PLAA: variants seen among roughly 807,000 people sequenced by gnomAD.
PLAA encodes the protein phospholipase A2 activating protein, also known as phospholipase A-2-activating protein.
In PLAA, 48 loss-of-function variants were observed where a neutral mutation model predicts 84.1. That is an observed-to-expected ratio of 0.57 (90% CI 0.45 to 0.73). The LOEUF is 0.73. Among genes scored for constraint, PLAA ranks in the 30% least tolerant of loss-of-function variants. PLAA has a pLI of 0.00. For synonymous variants in PLAA, 392 were observed against 336.6 expected (o/e 1.16, Z -1.80); for missense variants, 903 against 954.7 (o/e 0.95, Z 0.71).
intron 7 of PLAA, 102 bp from the exon 8 acceptor site, chr9:26,920,486 T>C: frequency 1.5e-6 from 1 of 654,404 alleles, no homozygotes. Context: ...CATAAGAGAA[T>C]ATGGATTTTG....
At chr9:26,916,706 C>G (rs1393594847) in intron 10 of PLAA, 2 of 995,894 alleles carry the variant, frequency 2.0e-6, no homozygotes, top group African/African-American at 3.5e-5. Context: ...CCCCTATTAT[C>G]TAATTTCACA....
chr9:26,926,294 T>C (rs927669790), intron 5 of PLAA, 99 bp downstream of exon 5: 2 of 752,070 alleles, frequency 2.7e-6, no homozygotes, highest in South Asian at 1.9e-5. Context: ...AAGTCATAGA[T>C]AGTAAATTAA....
Position 26,917,150 on chromosome 9 carries a change from A to G in PLAA, c.1433T>C (p.Val478Ala). ...GTTAGAAGATCCCGAAGAGCCCGGA[A>G]CATACCGACCACCACCTGTGCATGC... ...SDPFTGGGRYVPGSSGSSNTL... is the reference protein window; with the variant it reads ...SDPFTGGGRYAPGSSGSSNTL... The change falls in exon 10 of 14, where the codon GTT (valine) becomes GCT (alanine). Residue 478 changes from valine to alanine, a missense_variant. Coordinates refer to ENST00000397292, the MANE Select transcript of PLAA (RefSeq NM_001031689.3). 1 of 1,613,962 alleles carries G rather than the reference A, an allele frequency of 6.2e-7. No individual in the cohort carries two copies. The highest frequency in any genetic ancestry group is 8.5e-7 in the Non-Finnish European group (1 of 1,179,864).
chr9:26,925,341 G>A (rs1047003402), intron 6 of PLAA, among the ~76,000 whole-genome samples: 3 of 152,192 alleles, frequency 2.0e-5, no homozygotes, highest in Non-Finnish European at 4.4e-5. Flanking sequence ...GTTCTCCACA[G>A]TTAAGCCCCA....
intron 7 of PLAA, among the ~76,000 whole-genome samples, chr9:26,921,295 G>T (rs1449795298): frequency 6.6e-6 from 1 of 152,112 alleles, no homozygotes; most frequent in Non-Finnish European, 1.5e-5. Flanking sequence ...TCCATCCTCC[G>T]AAGAATCATG....
intron 11 of PLAA, among the ~76,000 whole-genome samples, chr9:26,912,439 T>C (rs774021989): frequency 1.1e-4 from 17 of 152,104 alleles, no homozygotes; most frequent in Non-Finnish European, 1.9e-4. Context: ...GGGAGGTGCA[T>C]AAACAGAGTA....
At position 26,928,494 on chromosome 9, in the gene PLAA, A is replaced by T. The variant is rs553076181; in HGVS notation, c.344-86T>A. 5.3e-6 allele frequency: 5 copies of T among 936,770 alleles called. No individual in the cohort carries two copies. The South Asian group carries it at 6.9e-5, about 13-fold the overall frequency. 58.0% of individuals were successfully genotyped at this position (936,770 alleles called of 1,614,324 possible). On this transcript the variant is annotated intron_variant, in intron 2 of 13. Transcript: ENST00000397292. ...GTTACTAAAGCATTCCAATTTTAAAAACACTCTTTGAAGTGGCAGTATCTT... is the reference window on the plus strand; with the variant it reads ...GTTACTAAAGCATTCCAATTTTAAATACACTCTTTGAAGTGGCAGTATCTT...
chr9:26,922,375 T>C (rs1410961487), intron 7 of PLAA, among the ~76,000 whole-genome samples: 2 of 152,042 alleles, frequency 1.3e-5, no homozygotes, highest in Admixed American at 6.6e-5. Flanking sequence ...TACATACTAG[T>C]GAACCAGTGG....
chr9:26,917,290 T>C (rs544963287), intron 9 of PLAA, 125 bp from the exon 10 acceptor site: 8 of 686,462 alleles, frequency 1.2e-5, no homozygotes, highest in African/African-American at 1.8e-5. Context: ...TTTCACATGA[T>C]AGAATGACAG....
intron 1 of PLAA, among the ~76,000 whole-genome samples, chr9:26,946,190 T>A (rs1825702468): frequency 6.6e-6 from 1 of 152,120 alleles, no homozygotes; most frequent in Non-Finnish European, 1.5e-5. Flanking sequence ...GTCTTCTAGG[T>A]CTTAAATATC....
chr9:26,924,892 T>C (rs1190692486), intron 6 of PLAA, among the ~76,000 whole-genome samples: 1 of 152,186 alleles, frequency 6.6e-6, no homozygotes, highest in African/African-American at 2.4e-5. Context: ...TAAGCTCCAG[T>C]TCAAATGACC....
chr9:26,934,641 G>C (rs1466137394), intron 2 of PLAA, among the ~76,000 whole-genome samples: 1 of 151,794 alleles, frequency 6.6e-6, no homozygotes, highest in Non-Finnish European at 1.5e-5. Flanking sequence ...CACCACACCT[G>C]GATAATTTTT....
At chr9:26,910,012 C>A (rs547278739) in intron 12 of PLAA, among the ~76,000 whole-genome samples, 2 of 152,306 alleles carry the variant, frequency 1.3e-5, no homozygotes, top group East Asian at 3.9e-4. Context: ...CTTAATTTTT[C>A]AAATGCTTTA....
rs1379209247 is a variant in PLAA, at chr9:26,923,296, A to T, written c.921T>A (p.Ala307=). 4 of 1,613,732 alleles carry T rather than the reference A, an allele frequency of 2.5e-6. No homozygotes were observed. The highest frequency in any genetic ancestry group is 3.4e-6 in the Non-Finnish European group (4 of 1,179,738). ...FTESEDRTAS[A]EEIKAFEKEL... ...CTTTTTCAAAAGCCTTGATTTCTTC[A>T]GCACTTGCTGTTCGATCTTCTGATT... The change falls in exon 7 of 14, where the codon GCT becomes GCA. Residue 307 remains alanine (A), a synonymous_variant. Coordinates refer to ENST00000397292, the MANE Select transcript of PLAA (RefSeq NM_001031689.3).
intron 1 of PLAA, among the ~76,000 whole-genome samples, chr9:26,939,929 CAAT>C (rs1004679643): frequency 6.6e-6 from 1 of 152,004 alleles, no homozygotes; most frequent in African/African-American, 2.4e-5. Context: ...GATAGTTCTA[CAAT>C]AATAGTTGAA....
At chr9:26,922,682 T>G (rs1226948445) in intron 7 of PLAA, among the ~76,000 whole-genome samples, 1 of 151,884 alleles carries the variant, frequency 6.6e-6, no homozygotes, top group Non-Finnish European at 1.5e-5. Flanking sequence ...TTTTTTTTTT[T>G]TTGAGACAGA....
At chr9:26,927,009 G>C (rs990606477) in intron 4 of PLAA, among the ~76,000 whole-genome samples, 6 of 151,992 alleles carry the variant, frequency 3.9e-5, no homozygotes, top group Non-Finnish European at 8.8e-5. Flanking sequence ...TGACTTAAGA[G>C]TAGCTATCAC....
In PLAA at chr9:26,934,993, C is replaced by A; in HGVS notation, c.343+20G>T. ...GATAAAACTTCAAATAGAAAAACAC[C>A]AAAGCATTATTATACTCACCAGTAT... On this transcript the variant is annotated intron_variant, in intron 2 of 13. Transcript: ENST00000397292. 3 of 1,489,534 alleles carry A rather than the reference C, an allele frequency of 2.0e-6. No homozygotes were observed. Among genetic ancestry groups the A allele is most frequent in the Admixed American group, 2.4e-5 (1 of 41,330 alleles). 92.3% of individuals were successfully genotyped at this position (1,489,534 alleles called of 1,614,324 possible). A position where few individuals can be genotyped will look rare whatever the true frequency, so the allele number is the denominator to read the frequency against.
chr9:26,942,818 G>C (rs1158886275), intron 1 of PLAA, among the ~76,000 whole-genome samples: 2 of 148,088 alleles, frequency 1.4e-5, no homozygotes, highest in Non-Finnish European at 3.0e-5. Flanking sequence ...GGCGGGGCTT[G>C]CAGTGAGCCG....
Sources: gnomAD v4.1 joint callset for allele counts (sites outside exome capture counted in the v4.1 genomes callset) on GRCh38, gnomAD v4.1.1 for gene constraint, MANE v1.5 for transcripts, NCBI Gene and HGNC (gene_info 2026-07-23, HGNC 2026-07-21) for gene names.